Variants in ENAH observed in about 807,000 individuals in gnomAD.
ENAH encodes the protein protein enabled homolog.
In ENAH, 23 loss-of-function variants were observed where a neutral mutation model predicts 78.7. The observed-to-expected ratio is 0.29, with a 90% CI of 0.21 to 0.41. ENAH has a LOEUF of 0.41. Ranked by LOEUF, ENAH falls within the 10% of genes least tolerant of loss-of-function variation. ENAH has a pLI of 1.00. For synonymous variants in ENAH, 226 were observed against 241.0 expected, an observed-to-expected ratio of 0.94 and a Z score of 0.58; for missense variants, 544 against 691.0, an observed-to-expected ratio of 0.79 and a Z score of 2.39.
At chr1:225,556,911 A>G (rs1296193263) in intron 2 of ENAH, among the ~76,000 whole-genome samples, 1 of 152,170 alleles carries the variant, frequency 6.6e-6, no homozygotes, top group African/African-American at 2.4e-5. Context: ...GGCTGTCCAA[A>G]TGATCCAGCA....
intron 1 of ENAH, among the ~76,000 whole-genome samples, chr1:225,606,827 T>C (rs1328335514): frequency 8.7e-6 from 1 of 114,350 alleles, no homozygotes; most frequent in East Asian, 2.4e-4. Context: ...TGGACGACAG[T>C]GCAAGACTCT....
At chr1:225,510,433 A>T (rs1558723495) in intron 10 of ENAH, among the ~76,000 whole-genome samples, 1 of 152,136 alleles carries the variant, frequency 6.6e-6, no homozygotes, top group Non-Finnish European at 1.5e-5. Context: ...GATTTACAAC[A>T]TCTATGCGGT....
chr1:225,510,636 A>G lies in ENAH; in HGVS notation c.1471+1175T>C, dbSNP rs186704974. On this transcript the variant is annotated intron_variant, in intron 10 of 13. Coordinates refer to ENST00000366843, the MANE Select transcript of ENAH (RefSeq NM_018212.6). The stretch of plus-strand genomic sequence containing the variant: ...GAGTCACCATTTAATAATAAGAATG[A>G]GGAATGGGGGGAGTGGTGAAAAGAT... 2.0e-3 allele frequency among the ~76,000 whole-genome samples: 303 copies of G among 149,826 alleles called. 1 individual carries two copies. Among genetic ancestry groups the G allele is most frequent in the African/African-American group, 6.5e-3 (265 of 40,988 alleles).
At chr1:225,575,236 T>G (rs2096782981) in intron 1 of ENAH, among the ~76,000 whole-genome samples, 1 of 152,180 alleles carries the variant, frequency 6.6e-6, no homozygotes, top group Admixed American at 6.5e-5. Context: ...GCTCAAAAGC[T>G]TTAATTTGGG....
intron 3 of ENAH, among the ~76,000 whole-genome samples, chr1:225,537,009 GTTTT>G (rs940391452): frequency 6.6e-6 from 1 of 151,814 alleles, no homozygotes; most frequent in Non-Finnish European, 1.5e-5. Context: ...AGTTTAAACT[GTTTT>G]TTTAAAAATC....
intron 1 of ENAH, among the ~76,000 whole-genome samples, chr1:225,619,138 A>C (rs1656344414): frequency 6.6e-6 from 1 of 152,224 alleles, no homozygotes; most frequent in Non-Finnish European, 1.5e-5. Flanking sequence ...ATGTTTCATG[A>C]AACACTTGCC....
At chr1:225,593,175 A>C (rs1477918648) in intron 1 of ENAH, among the ~76,000 whole-genome samples, 1 of 152,146 alleles carries the variant, frequency 6.6e-6, no homozygotes. Flanking sequence ...CACAGACTAA[A>C]GACGTCTAGC....
chr1:225,647,091 T>C (rs1221335062), intron 1 of ENAH, among the ~76,000 whole-genome samples: 2 of 152,102 alleles, frequency 1.3e-5, no homozygotes, highest in African/African-American at 4.8e-5. Flanking sequence ...CTGGGCGTGG[T>C]GGCACGCGCC....
At chr1:225,512,609 C>A (rs1426353181) in intron 9 of ENAH, 48 bp downstream of exon 9, 2 of 1,550,368 alleles carry the variant, frequency 1.3e-6, no homozygotes, top group Non-Finnish European at 1.8e-6. Flanking sequence ...ATGAGCTGTG[C>A]CTGAATTCCA....
intron 1 of ENAH, among the ~76,000 whole-genome samples, chr1:225,614,391 G>A (rs1321618043): frequency 6.6e-6 from 1 of 152,106 alleles, no homozygotes; most frequent in Non-Finnish European, 1.5e-5. Context: ...CAAATGAATA[G>A]CCAGACGAAG....
intron 1 of ENAH, among the ~76,000 whole-genome samples, chr1:225,575,444 C>T (rs904034380): frequency 1.3e-5 from 2 of 152,154 alleles, no homozygotes; most frequent in Non-Finnish European, 2.9e-5. Flanking sequence ...GTACAGGGTC[C>T]ACTATAATTG....
intron 1 of ENAH, among the ~76,000 whole-genome samples, chr1:225,643,705 G>C (rs1207814947): frequency 6.6e-6 from 1 of 152,190 alleles, no homozygotes; most frequent in African/African-American, 2.4e-5. Flanking sequence ...GGAGGCTGAA[G>C]TGGGAGGATG....
intron 4 of ENAH, among the ~76,000 whole-genome samples, chr1:225,523,471 G>A (rs908993180): frequency 1.3e-5 from 2 of 151,982 alleles, no homozygotes; most frequent in Non-Finnish European, 2.9e-5. Flanking sequence ...ATAGGAAAAG[G>A]ACACAATGCT....
At chr1:225,597,523 G>A (rs56159213) in intron 1 of ENAH, among the ~76,000 whole-genome samples, 2,077 of 151,980 alleles carry the variant, frequency 0.014, 60 homozygotes, top group African/African-American at 0.047. Context: ...TGGGCATGGT[G>A]GTACACACCT....
At position 225,491,114 on chromosome 1, in the gene ENAH, TG is replaced by T. The variant is rs2096220009; in HGVS notation, c.*6660del. On this transcript the variant is annotated 3_prime_UTR_variant, in exon 14 of 14. Coordinates refer to ENST00000366843, the MANE Select transcript of ENAH (RefSeq NM_018212.6). The stretch of plus-strand genomic sequence containing the variant: ...TCAACTGGTAGTAATAATGAAAAGC[TG>T]GTATTTCTCACATAAAACACGTTGA... 1 of 152,184 alleles carries T rather than the reference TG, an allele frequency of 6.6e-6. No homozygotes were observed. Among genetic ancestry groups the T allele is most frequent in the Non-Finnish European group, 1.5e-5 (1 of 68,026 alleles). The allele number at this position is 152,184 out of a possible 1,614,324, so 9.4% of individuals were successfully genotyped here.
At chr1:225,524,962 CATTT>C (rs1402889638) in intron 4 of ENAH, among the ~76,000 whole-genome samples, 2 of 152,044 alleles carry the variant, frequency 1.3e-5, no homozygotes, top group African/African-American at 2.4e-5. Flanking sequence ...ATTGACTCTA[CATTT>C]ATTAAAAATA....
chr1:225,525,553 C>A (rs2096496970), intron 4 of ENAH, among the ~76,000 whole-genome samples: 1 of 152,180 alleles, frequency 6.6e-6, no homozygotes, highest in South Asian at 2.1e-4. Context: ...CTTCAGCCCT[C>A]CCAGCGCCCC....
In ENAH at chr1:225,508,957, C is replaced by G. The variant is rs147638707; in HGVS notation, c.1472-940G>C. Reference sequence around the variant, plus strand: ...CTTAACGCAAAAATAAACTCACACTCTTCCATGAAGCCCTGCTTTTGGTTC... The same window carrying G: ...CTTAACGCAAAAATAAACTCACACTGTTCCATGAAGCCCTGCTTTTGGTTC... On this transcript the variant is annotated intron_variant, in intron 10 of 13. Coordinates refer to ENST00000366843, the MANE Select transcript of ENAH (RefSeq NM_018212.6). 1.5e-3 allele frequency among the ~76,000 whole-genome samples: 235 copies of G among 152,338 alleles called. 1 individual carries two copies. Among genetic ancestry groups the G allele is most frequent in the African/African-American group, 5.3e-3 (222 of 41,578 alleles).
At chr1:225,586,075 G>T (rs2096844603) in intron 1 of ENAH, among the ~76,000 whole-genome samples, 1 of 151,864 alleles carries the variant, frequency 6.6e-6, no homozygotes, top group Non-Finnish European at 1.5e-5. Context: ...AATTGGCCAG[G>T]CATGGCTGCG....
Sources: gnomAD v4.1 joint callset for allele counts (sites outside exome capture counted in the v4.1 genomes callset) on GRCh38, gnomAD v4.1.1 for gene constraint, MANE v1.5 for transcripts, NCBI Gene and HGNC (gene_info 2026-07-23, HGNC 2026-07-21) for gene names.